Variants in FGD3 observed in about 807,000 individuals in gnomAD.
FGD3 encodes the protein FYVE, RhoGEF and PH domain containing 3.
A neutral mutation model predicts 71.8 loss-of-function variants in FGD3; 45 were observed. The observed-to-expected ratio is 0.63, with a 90% CI of 0.49 to 0.80. The LOEUF (loss-of-function observed/expected upper bound fraction) is 0.80. FGD3 is among the 30% of genes least tolerant of loss of function. The probability of loss-of-function intolerance (pLI) is 0.00; values close to 1 mark genes in which losing one functional copy is unlikely to be tolerated. For synonymous variants in FGD3, 378 were observed against 392.8 expected (o/e 0.96, Z 0.44); for missense variants, 844 against 951.5 (o/e 0.89, Z 1.49).
At chr9:93,032,412 TGA>T (rs1862389442) in intron 15 of FGD3, 3 of 232,178 alleles carry the variant, frequency 1.3e-5, no homozygotes, top group African/African-American at 6.6e-5. Flanking sequence ...TGCTGAGGGG[TGA>T]GAGGTGGTTT....
intron 14 of FGD3, among the ~76,000 whole-genome samples, chr9:93,026,539 G>A (rs1862120917): frequency 6.6e-6 from 1 of 152,172 alleles, no homozygotes; most frequent in African/African-American, 2.4e-5. Context: ...GCTGGTGCAG[G>A]GCCAGGACCC....
At chr9:93,012,691 G>GGGGGGA (rs1861468720) in intron 8 of FGD3, among the ~76,000 whole-genome samples, 3 of 98,020 alleles carry the variant, frequency 3.1e-5, no homozygotes, top group African/African-American at 1.6e-4. Flanking sequence ...CGGTGGCGGG[G>GGGGGGA]TGTGGGGGGG....
chr9:93,019,955 C>T (rs952568446), intron 12 of FGD3, 94 bp downstream of exon 12: 63 of 1,350,990 alleles, frequency 4.7e-5, no homozygotes, highest in South Asian at 1.3e-4. Context: ...CCCTGGCCTC[C>T]GGGACTGCTG....
rs373528936 is a variant in FGD3 at position 93,032,735 on chromosome 9, G to A, written c.1681-34G>A. On this transcript the variant is annotated intron_variant, in intron 15 of 17. Transcript: ENST00000375482. ...CTTCCTGGATAATCCTCTGTCCCAG[G>A]GTGCTGGGGTCACACGTGCCCTCTG... is the stretch of plus-strand genomic sequence containing the variant. 3.7e-6 allele frequency: 6 copies of A among 1,601,488 alleles called. No individual in the cohort carries two copies. The African/African-American group carries it at 4.0e-5, about 11-fold the overall frequency.
chr9:92,976,180 C>T, intron 2 of FGD3, 28 bp from the exon 3 acceptor site: 11 of 1,361,806 alleles, frequency 8.1e-6, no homozygotes, highest in Non-Finnish European at 1.1e-5. Context: ...CTGGCTAGCA[C>T]TGACTCTGGC....
intron 7 of FGD3, 133 bp downstream of exon 7, chr9:93,010,517 A>AGGAGAC: frequency 2.7e-6 from 2 of 743,772 alleles, no homozygotes; most frequent in Non-Finnish European, 3.9e-6. Flanking sequence ...ACCAGAGGGA[A>AGGAGAC]AGAGACAGAG....
rs759822920 is a variant in FGD3, at chr9:93,030,010, G to A, written c.1680+14G>A. The A allele has an allele frequency of 2.4e-5, 38 of 1,609,986 alleles. No individual in the cohort carries two copies. In the East Asian group the frequency reaches 7.8e-4, roughly 33 times the overall value. On this transcript the variant is annotated intron_variant, in intron 15 of 17. Transcript: ENST00000375482. Reference sequence around the variant, plus strand: ...CTGTGTGGGGCGGTGAGTCCCGGGAGAGGGGGACAGGGACAGGAGGCCACC... The same window carrying A: ...CTGTGTGGGGCGGTGAGTCCCGGGAAAGGGGGACAGGGACAGGAGGCCACC...
At chr9:93,000,334 T>C (rs1860814478) in intron 3 of FGD3, among the ~76,000 whole-genome samples, 1 of 152,226 alleles carries the variant, frequency 6.6e-6, no homozygotes. Context: ...AAAAGGATAA[T>C]AGTACAAATT....
At chr9:92,983,849 G>T (rs1860089669) in intron 3 of FGD3, among the ~76,000 whole-genome samples, 3 of 152,030 alleles carry the variant, frequency 2.0e-5, no homozygotes, top group African/African-American at 7.2e-5. Flanking sequence ...CTCTAAACTA[G>T]GCAAAAATAT....
chr9:92,952,625 G>A (rs1382826787), intron 1 of FGD3, among the ~76,000 whole-genome samples: 3 of 151,886 alleles, frequency 2.0e-5, no homozygotes, highest in Non-Finnish European at 4.4e-5. Flanking sequence ...TATGAAGGTT[G>A]AGCAAGTGTG....
intron 14 of FGD3, among the ~76,000 whole-genome samples, chr9:93,023,900 C>T (rs1402063554): frequency 6.8e-6 from 1 of 147,304 alleles, no homozygotes; most frequent in Admixed American, 7.0e-5. Flanking sequence ...TTCCCAGGTT[C>T]AAGTGATCCT....
intron 3 of FGD3, among the ~76,000 whole-genome samples, chr9:93,002,091 C>T (rs1192537556): frequency 6.6e-6 from 1 of 152,148 alleles, no homozygotes; most frequent in Non-Finnish European, 1.5e-5. Context: ...CAGGCATTTT[C>T]AGTGAAAACT....
intron 3 of FGD3, among the ~76,000 whole-genome samples, chr9:92,989,176 G>C (rs991184847): frequency 6.6e-6 from 1 of 152,216 alleles, no homozygotes; most frequent in East Asian, 1.9e-4. Flanking sequence ...TCAGCCTCCT[G>C]AGTAGCTGGG....
chr9:92,976,274 G>T lies in FGD3; in HGVS notation c.18G>T (p.Gly6=), dbSNP rs1052848317. The T allele has an allele frequency of 9.4e-6, 15 of 1,588,292 alleles. No homozygotes were observed. Among genetic ancestry groups the T allele is most frequent in the Non-Finnish European group, 1.3e-5 (15 of 1,161,540 alleles). Residue 6 remains glycine (G), a synonymous_variant, in exon 3 of 18, where the codon GGG becomes GGT. Coordinates refer to ENST00000375482, the MANE Select transcript of FGD3 (RefSeq NM_001083536.2). MESGR[G]SSTPPGPIAA... is the part of the protein sequence containing the mutation. ...CTTTAAGGATGGAGTCAGGCAGGGG[G>T]TCCTCAACCCCTCCAGGACCCATTG...
In FGD3 at chr9:93,035,326, C is replaced by G. The variant is rs1237813283; in HGVS notation, c.1927-12C>G. On this transcript the variant is annotated splice_polypyrimidine_tract_variant and intron_variant, in intron 17 of 17. Coordinates refer to ENST00000375482, the MANE Select transcript of FGD3 (RefSeq NM_001083536.2). ...GCTGTGGCCCCGCTGACCATCTGCT[C>G]CTCTGCTGCAGGACGGCCGGCTGCC... 1.2e-6 allele frequency: 2 copies of G among 1,605,790 alleles called. No individual in the cohort carries two copies. Among genetic ancestry groups the G allele is most frequent in the East Asian group, 2.2e-5 (1 of 44,742 alleles).
In FGD3 at chr9:92,971,539, G is replaced by A. The variant is rs544833678; in HGVS notation, c.-217-3699G>A. On this transcript the variant is annotated intron_variant, in intron 1 of 17. Transcript: ENST00000375482. ...TACAGTTCAAAGGCGATAAGGGTGGGATTTTTCTTTTCTTTTCTTTTCTTT... is the reference window on the plus strand; with the variant it reads ...TACAGTTCAAAGGCGATAAGGGTGGAATTTTTCTTTTCTTTTCTTTTCTTT... 3.0e-4 allele frequency among the ~76,000 whole-genome samples: 43 copies of A among 144,616 alleles called. 1 individual carries two copies. The South Asian group carries it at 6.7e-3, about 23-fold the overall frequency. The allele number at this position is 144,616 out of a possible 152,430, so 94.9% of individuals were successfully genotyped here.
chr9:92,997,074 G>T (rs1182351613), intron 3 of FGD3, among the ~76,000 whole-genome samples: 2 of 152,168 alleles, frequency 1.3e-5, no homozygotes, highest in Admixed American at 1.3e-4. Context: ...TGACAGTGGG[G>T]TGTTAAAGTC....
rs896902879 is a variant in FGD3, at chr9:92,996,823, T to C, written c.454-6102T>C. ...TCTTAATCCTGAGTTCTAGTTTGAT[T>C]GCACTGTGGTCTGAGAGACAGTTTG... On this transcript the variant is annotated intron_variant, in intron 3 of 17. Transcript: ENST00000375482. Among the ~76,000 whole-genome samples, 6 of 152,232 alleles carry C rather than the reference T, an allele frequency of 3.9e-5. 1 individual carries two copies. Among genetic ancestry groups the C allele is most frequent in the African/African-American group, 1.4e-4 (6 of 41,456 alleles).
rs779257010 is a variant in FGD3, at chr9:93,006,139, C to G, written c.796C>G (p.Gln266Glu). 9.3e-6 allele frequency: 15 copies of G among 1,610,412 alleles called. No homozygotes were observed. In the Admixed American group the frequency reaches 2.0e-4, roughly 22 times the overall value. The change falls in exon 6 of 18, where the codon CAG (glutamine) becomes GAG (glutamate). Residue 266 changes from glutamine (Q) to glutamate (E), a missense_variant. Transcript: ENST00000375482. ...RAVGLVSTWTQRSPLFKDVVH... is the reference protein window; with the variant it reads ...RAVGLVSTWTERSPLFKDVVH... The stretch of plus-strand genomic sequence containing the variant: ...CGTAGGGCTGGTGAGCACGTGGACC[C>G]AGCGCTCCCCACTGTTTAAAGACGT...
Sources: allele counts gnomAD v4.1 joint callset (sites outside exome capture counted in the v4.1 genomes callset), GRCh38; gene constraint gnomAD v4.1.1; transcripts MANE v1.5; gene names NCBI Gene and HGNC (gene_info 2026-07-23, HGNC 2026-07-21).